The following SH3RF3 variants were observed in gnomAD, a reference collection of about 807,000 sequenced individuals.
SH3RF3 encodes E3 ubiquitin-protein ligase SH3RF3.
Under a neutral mutation model 66.3 loss-of-function variants are expected in SH3RF3, and 29 were observed. That is an observed-to-expected ratio of 0.44 (90% confidence interval 0.33 to 0.60). The LOEUF is 0.60. SH3RF3 is among the 20% of genes least tolerant of loss of function. SH3RF3 has a pLI of 0.04. For missense variants in SH3RF3, 1,194 were observed against 1,190.9 expected (o/e 1.00, Z -0.04); for synonymous variants, 583 against 532.0 (o/e 1.10, Z -1.32).
At chr2:109,130,136 G>C in intron 1 of SH3RF3, 23 bp downstream of exon 1, 1 of 1,284,550 alleles carries the variant, frequency 7.8e-7, no homozygotes, top group Non-Finnish European at 9.8e-7. Context: ...CTCGGCGGAA[G>C]TGGCCACGGC....
At position 109,432,687 on chromosome 2, in the gene SH3RF3, T is replaced by G. The variant is rs1259428646; in HGVS notation, c.1574+16T>G. The G allele has an allele frequency of 6.2e-7, 1 of 1,604,896 alleles. No individual in the cohort carries two copies. Among genetic ancestry groups the G allele is most frequent in the East Asian group, 2.2e-5 (1 of 44,826 alleles). The stretch of plus-strand genomic sequence containing the variant: ...CCGTTTCCAGGTGAGGGCATGGTGG[T>G]GGCAGCCTGGGCAAGGAGAGGGCAA... On this transcript the variant is annotated intron_variant, in intron 6 of 9. Coordinates refer to ENST00000309415, the MANE Select transcript of SH3RF3 (RefSeq NM_001099289.3).
intron 8 of SH3RF3, among the ~76,000 whole-genome samples, chr2:109,464,060 G>A (rs116392804): frequency 1.5e-3 from 226 of 152,304 alleles, no homozygotes; most frequent in African/African-American, 5.3e-3. Context: ...CATCTGTGCT[G>A]GTAGACCTGC....
chr2:109,421,238 A>AG (rs1265433293), intron 5 of SH3RF3, among the ~76,000 whole-genome samples: 1 of 152,246 alleles, frequency 6.6e-6, no homozygotes, highest in African/African-American at 2.4e-5. Flanking sequence ...GGCAGGATGC[A>AG]GGTCAGGTTG....
intron 1 of SH3RF3, among the ~76,000 whole-genome samples, chr2:109,207,931 T>C (rs1210944983): frequency 6.6e-6 from 1 of 152,232 alleles, no homozygotes; most frequent in Admixed American, 6.5e-5. Context: ...TTAGTTTTGC[T>C]CTAATCTGGA....
chr2:109,162,774 T>C (rs1677518913), intron 1 of SH3RF3, among the ~76,000 whole-genome samples: 1 of 152,254 alleles, frequency 6.6e-6, no homozygotes, highest in Non-Finnish European at 1.5e-5. Flanking sequence ...ATGGTATTTC[T>C]AGTTCTAGAT....
At position 109,501,776 on chromosome 2, in the gene SH3RF3, C is replaced by T; in HGVS notation, c.*105C>T. On this transcript the variant is annotated 3_prime_UTR_variant, in exon 10 of 10. Coordinates refer to ENST00000309415, the MANE Select transcript of SH3RF3 (RefSeq NM_001099289.3). ...GCGCCCCAAGGGTTCCAGGTCATCT[C>T]CAAGGCACCTGGCGGGGGATACCCT... 1 of 639,116 alleles carries T rather than the reference C, an allele frequency of 1.6e-6. No homozygotes were observed. The highest frequency in any genetic ancestry group is 2.8e-6 in the Non-Finnish European group (1 of 352,856). 39.6% of individuals were successfully genotyped at this position (639,116 alleles called of 1,614,324 possible).
chr2:109,237,993 G>A (rs1679687433), intron 1 of SH3RF3, among the ~76,000 whole-genome samples: 1 of 152,110 alleles, frequency 6.6e-6, no homozygotes, highest in South Asian at 2.1e-4. Context: ...AGCACTTGAG[G>A]TCAGGAGTTC....
intron 8 of SH3RF3, among the ~76,000 whole-genome samples, chr2:109,465,218 A>G (rs1678310317): frequency 6.6e-6 from 1 of 152,210 alleles, no homozygotes; most frequent in Admixed American, 6.5e-5. Context: ...TTATCCATTT[A>G]CTTACCAAAG....
chr2:109,191,050 A>G (rs999755171), intron 1 of SH3RF3, among the ~76,000 whole-genome samples: 1 of 152,014 alleles, frequency 6.6e-6, no homozygotes, highest in South Asian at 2.1e-4. Flanking sequence ...TTGGGCCACA[A>G]AGAGTCTAAC....
At chr2:109,194,527 C>T (rs1678448629) in intron 1 of SH3RF3, among the ~76,000 whole-genome samples, 1 of 152,248 alleles carries the variant, frequency 6.6e-6, no homozygotes, top group South Asian at 2.1e-4. Context: ...GGGGCATTTG[C>T]TCCAGCAGCA....
At chr2:109,210,682 A>T (rs1275452925) in intron 1 of SH3RF3, among the ~76,000 whole-genome samples, 1 of 152,120 alleles carries the variant, frequency 6.6e-6, no homozygotes, top group African/African-American at 2.4e-5. Flanking sequence ...TCCAGGTGGG[A>T]GGCCCAGGAA....
chr2:109,478,747 A>C (rs1225717202), intron 8 of SH3RF3, among the ~76,000 whole-genome samples: 1 of 152,206 alleles, frequency 6.6e-6, no homozygotes, highest in East Asian at 1.9e-4. Context: ...CTCAGAGGCC[A>C]TGCGACGGGC....
chr2:109,443,183 A>G (rs948789468), intron 7 of SH3RF3, among the ~76,000 whole-genome samples: 6 of 152,232 alleles, frequency 3.9e-5, no homozygotes, highest in Non-Finnish European at 1.5e-5. Flanking sequence ...ATCTTATTCT[A>G]GTAGATTCTA....
chr2:109,401,732 C>T (rs1676320729), intron 4 of SH3RF3, among the ~76,000 whole-genome samples: 1 of 152,186 alleles, frequency 6.6e-6, no homozygotes, highest in Non-Finnish European at 1.5e-5. Context: ...GGTTTCCTCT[C>T]CTTCCTGCAT....
At chr2:109,253,485 G>A (rs1680146317) in intron 1 of SH3RF3, among the ~76,000 whole-genome samples, 1 of 152,264 alleles carries the variant, frequency 6.6e-6, no homozygotes, top group Admixed American at 6.5e-5. Context: ...CAGCTCTCAT[G>A]TTTCCCAGGC....
At chr2:109,292,303 C>G (rs940766317) in intron 1 of SH3RF3, among the ~76,000 whole-genome samples, 6 of 151,814 alleles carry the variant, frequency 4.0e-5, no homozygotes, top group Non-Finnish European at 5.9e-5. Flanking sequence ...CCAGAGAGTC[C>G]CCTTGTTAGT....
At chr2:109,185,581 G>A (rs1056053970) in intron 1 of SH3RF3, among the ~76,000 whole-genome samples, 2 of 152,118 alleles carry the variant, frequency 1.3e-5, no homozygotes, top group African/African-American at 2.4e-5. Context: ...TTGGCCAGGC[G>A]TTGGTTTTCC....
intron 1 of SH3RF3, among the ~76,000 whole-genome samples, chr2:109,143,762 CA>C (rs1677023962): frequency 8.5e-6 from 1 of 117,988 alleles, no homozygotes; most frequent in African/African-American, 2.6e-5. Context: ...TGAAACAAAA[CA>C]AAACAAACAA....
At chr2:109,428,587 C>T (rs1573243580) in intron 5 of SH3RF3, among the ~76,000 whole-genome samples, 1 of 152,234 alleles carries the variant, frequency 6.6e-6, no homozygotes. Context: ...TCCTCAGCAA[C>T]CTGCCCTCAA....
Sources: gnomAD v4.1 joint callset for allele counts (sites outside exome capture counted in the v4.1 genomes callset) on GRCh38, gnomAD v4.1.1 for gene constraint, MANE v1.5 for transcripts, NCBI Gene and HGNC (gene_info 2026-07-23, HGNC 2026-07-21) for gene names.